The following ZNF679 variants were observed in gnomAD, a reference collection of about 807,000 sequenced individuals.
The protein encoded by ZNF679 is hypothetical protein MGC42415.
Under a neutral mutation model 13.4 loss-of-function variants are expected in ZNF679, and 10 were observed. That is an observed-to-expected ratio of 0.75 (90% CI 0.46 to 1.27). The LOEUF (loss-of-function observed/expected upper bound fraction) is 1.27. Ranked by LOEUF, ZNF679 falls within the 50% of genes most tolerant of loss-of-function variation. The pLI is 0.00. For synonymous variants in ZNF679, 179 were observed against 162.5 expected (o/e 1.10, Z -0.77); for missense variants, 525 against 477.8 (o/e 1.10, Z -0.92).
intron 1 of ZNF679, among the ~76,000 whole-genome samples, chr7:64,244,894 T>C (rs1165473597): frequency 6.6e-6 from 1 of 152,182 alleles, no homozygotes; most frequent in Non-Finnish European, 1.5e-5. Flanking sequence ...ATTTCAAAAT[T>C]TCTATATGCT....
At chr7:64,236,945 GA>G (rs765729190) in intron 1 of ZNF679, among the ~76,000 whole-genome samples, 5,001 of 46,308 alleles carry the variant, frequency 0.11, 126 homozygotes, top group East Asian at 0.24. Context: ...AAGAAAGAAA[GA>G]AAGAAAGAAA....
chr7:64,237,156 C>T (rs1787738451), intron 1 of ZNF679, among the ~76,000 whole-genome samples: 1 of 152,062 alleles, frequency 6.6e-6, no homozygotes, highest in Admixed American at 6.5e-5. Flanking sequence ...ACCCAGAATC[C>T]TAGGCTAGTG....
intron 2 of ZNF679, among the ~76,000 whole-genome samples, chr7:64,256,204 A>C (rs1788002923): frequency 6.6e-6 from 1 of 152,206 alleles, no homozygotes. Context: ...TTTTCTAAAA[A>C]TGACGGTCTC....
At chr7:64,250,088 C>T (rs1787925220) in intron 2 of ZNF679, among the ~76,000 whole-genome samples, 1 of 151,900 alleles carries the variant, frequency 6.6e-6, no homozygotes, top group Non-Finnish European at 1.5e-5. Context: ...ATGATCTGCC[C>T]TTCTCGGCCT....
chr7:64,259,951 A>G (rs1584237155), intron 2 of ZNF679, among the ~76,000 whole-genome samples: 1 of 152,160 alleles, frequency 6.6e-6, no homozygotes, highest in African/African-American at 2.4e-5. Context: ...AAAAGAAAAA[A>G]GAAAAGAAAA....
chr7:64,250,263 TG>T (rs1324177688), intron 2 of ZNF679, among the ~76,000 whole-genome samples: 4 of 125,998 alleles, frequency 3.2e-5, no homozygotes, highest in Non-Finnish European at 6.5e-5. Flanking sequence ...GGCTTTCCCT[TG>T]GTTTTTTTTT....
chr7:64,265,627 G>A (rs975198507), intron 4 of ZNF679, among the ~76,000 whole-genome samples: 5 of 152,112 alleles, frequency 3.3e-5, no homozygotes, highest in African/African-American at 9.7e-5. Context: ...GGCTGTGTTG[G>A]GTAAATGTAT....
chr7:64,248,950 T>C, intron 1 of ZNF679, 78 bp from the exon 2 acceptor site: 2 of 993,262 alleles, frequency 2.0e-6, no homozygotes, highest in Non-Finnish European at 3.0e-6. Context: ...TATTAGAAAC[T>C]GTACAATCAG....
chr7:64,261,018 T>A, intron 4 of ZNF679, 89 bp downstream of exon 4: 1 of 1,323,754 alleles, frequency 7.6e-7, no homozygotes, highest in East Asian at 2.5e-5. Flanking sequence ...TTTGGGGAGA[T>A]GTGCTTCCAT....
intron 1 of ZNF679, among the ~76,000 whole-genome samples, chr7:64,233,498 A>T (rs1340613913): frequency 2.0e-5 from 3 of 151,990 alleles, no homozygotes; most frequent in African/African-American, 7.3e-5. Flanking sequence ...CTCAAGAAAA[A>T]CAAAACAAAA....
At chr7:64,236,975 A>AAGAAAGAAAGAG (rs201487010) in intron 1 of ZNF679, among the ~76,000 whole-genome samples, 806 of 16,270 alleles carry the variant, frequency 0.05, 19 homozygotes, top group African/African-American at 0.086. Flanking sequence ...GAAAGAAAGA[A>AAGAAAGAAAGAG]AAAGAAAGAA....
chr7:64,261,668 C>T (rs2115607447), intron 4 of ZNF679, among the ~76,000 whole-genome samples: 2 of 152,114 alleles, frequency 1.3e-5, no homozygotes, highest in South Asian at 4.1e-4. Flanking sequence ...TTTACATCAA[C>T]ATAGTTGGTG....
chr7:64,260,322 G>C lies in ZNF679; in HGVS notation c.141G>C (p.Glu47Asp), dbSNP rs1257888606. The change falls in exon 3 of 5, where the codon GAG becomes GAC. Residue 47 changes from glutamate to aspartate, a missense_variant. By Grantham distance (45) the Glu-to-Asp change is conservative. Coordinates refer to ENST00000421025, the MANE Select transcript of ZNF679 (RefSeq NM_153363.3). ...ATTTATATAGAGATGTGATGTTAGA[G>C]AACTACAGAAACCTGGTCTCCCTGG... ...QQNLYRDVML[E>D]NYRNLVSLGI... The C allele has an allele frequency of 6.2e-7, 1 of 1,611,268 alleles. No individual in the cohort carries two copies. Among genetic ancestry groups the C allele is most frequent in the African/African-American group, 1.3e-5 (1 of 74,712 alleles).
At chr7:64,261,050 C>G in intron 4 of ZNF679, 121 bp downstream of exon 4, 1 of 1,036,922 alleles carries the variant, frequency 9.6e-7, no homozygotes, top group Non-Finnish European at 1.4e-6. Flanking sequence ...CTAAGAAGCC[C>G]GAGTCATTTT....
At chr7:64,238,081 T>C (rs1318991754) in intron 1 of ZNF679, among the ~76,000 whole-genome samples, 2 of 152,134 alleles carry the variant, frequency 1.3e-5, no homozygotes, top group Non-Finnish European at 2.9e-5. Context: ...TTAAATAGTT[T>C]TATCTTCAGG....
chr7:64,248,015 C>A (rs535672861), intron 1 of ZNF679, among the ~76,000 whole-genome samples: 5 of 152,106 alleles, frequency 3.3e-5, no homozygotes, highest in Middle Eastern at 3.4e-3. Flanking sequence ...CCTCAGACTG[C>A]GTACTTTTTT....
At chr7:64,247,811 A>G (rs1157491894) in intron 1 of ZNF679, among the ~76,000 whole-genome samples, 2 of 151,918 alleles carry the variant, frequency 1.3e-5, no homozygotes, top group African/African-American at 2.4e-5. Flanking sequence ...TCGGCCACTG[A>G]AAGTGCAGGG....
intron 1 of ZNF679, among the ~76,000 whole-genome samples, chr7:64,234,541 T>C (rs1416324815): frequency 1.3e-5 from 2 of 152,068 alleles, no homozygotes; most frequent in African/African-American, 2.4e-5. Flanking sequence ...CCATGAGGAA[T>C]TGGAAATTGG....
intron 1 of ZNF679, among the ~76,000 whole-genome samples, chr7:64,237,593 C>T (rs1787744718): frequency 6.6e-6 from 1 of 152,162 alleles, no homozygotes; most frequent in Admixed American, 6.5e-5. Flanking sequence ...ACGGCATTTG[C>T]TGACACCAGC....
Sources: gnomAD v4.1 joint callset for allele counts (sites outside exome capture counted in the v4.1 genomes callset) on GRCh38, gnomAD v4.1.1 for gene constraint, MANE v1.5 for transcripts, NCBI Gene and HGNC (gene_info 2026-07-23, HGNC 2026-07-21) for gene names.